ATP7B: variants seen among roughly 807,000 people sequenced by gnomAD.
ATP7B encodes copper-transporting ATPase 2.
Under a neutral mutation model 118.9 loss-of-function variants are expected in ATP7B, and 113 were observed. The observed-to-expected ratio is 0.95, with a 90% confidence interval of 0.82 to 1.11. The LOEUF (loss-of-function observed/expected upper bound fraction) is 1.11, where lower values mean the gene tolerates loss of function less well. Among genes scored for constraint, ATP7B ranks in the 50% most tolerant of loss-of-function variants. ATP7B has a pLI of 0.00. For synonymous variants in ATP7B, 777 were observed against 727.4 expected (o/e 1.07, Z -1.10); for missense variants, 1,867 against 1,871.4 (o/e 1.00, Z 0.04).
chr13:51,965,446 G>A (rs1951499464), intron 4 of ATP7B, among the ~76,000 whole-genome samples: 1 of 152,220 alleles, frequency 6.6e-6, no homozygotes, highest in South Asian at 2.1e-4. Context: ...AATCCTGAGT[G>A]TTGCTGGCAT....
chr13:51,946,680 T>C, intron 12 of ATP7B: 1 of 652,434 alleles, frequency 1.5e-6, no homozygotes, highest in Non-Finnish European at 2.7e-6. Context: ...AACTTCATCC[T>C]ACAGGTTTCC....
chr13:51,964,632 A>G, intron 5 of ATP7B: 1 of 485,212 alleles, frequency 2.1e-6, no homozygotes, highest in South Asian at 2.2e-5. Context: ...CTAAAATTAA[A>G]ACAATAATAA....
chr13:51,987,506 C>T (rs969699930), intron 1 of ATP7B, among the ~76,000 whole-genome samples: 8 of 152,316 alleles, frequency 5.3e-5, no homozygotes, highest in African/African-American at 1.9e-4. Flanking sequence ...TTTATAGATT[C>T]AATGCTATCC....
Position 51,957,750 on chromosome 13 carries a change from C to T in ATP7B, c.2356-143G>A, listed in dbSNP as rs989129386. 2.2e-5 allele frequency: 16 copies of T among 742,776 alleles called. No homozygotes were observed. In the East Asian group the frequency reaches 2.2e-4, roughly 10 times the overall value. The allele number at this position is 742,776 out of a possible 1,614,324, so 46.0% of individuals were successfully genotyped here. A position where few individuals can be genotyped will look rare whatever the true frequency, so the allele number is the denominator to read the frequency against. On this transcript the variant is annotated intron_variant, in intron 8 of 20. Coordinates refer to ENST00000242839, the MANE Select transcript of ATP7B (RefSeq NM_000053.4). ...CACGATAAAAGGCTCTGCAGGTGGG[C>T]GTTACTTGCTATCCACCACACATGG...
chr13:51,942,475 T>C lies in ATP7B; in HGVS notation c.3323A>G (p.Asn1108Ser). The change falls in exon 15 of 21, where the codon AAC becomes AGC. Residue 1108 changes from asparagine (N) to serine (S), a missense_variant. Transcript: ENST00000242839. ...ACTGTGGGCCAGGATGCCTTCCACG[T>C]TGCTGACTTTGCACCCAATTCCACA... ...PGCGIGCKVS[N>S]VEGILAHSER... 1 of 1,614,226 alleles carries C rather than the reference T, an allele frequency of 6.2e-7. No homozygotes were observed.
intron 1 of ATP7B, among the ~76,000 whole-genome samples, chr13:52,002,927 CA>C (rs1953584115): frequency 6.6e-6 from 1 of 152,188 alleles, no homozygotes; most frequent in South Asian, 2.1e-4. Context: ...GTCAGTAAGT[CA>C]TGGTCTTTCT....
chr13:51,947,126 TG>T (rs1420640061), intron 12 of ATP7B, among the ~76,000 whole-genome samples: 2 of 152,182 alleles, frequency 1.3e-5, no homozygotes, highest in African/African-American at 4.8e-5. Flanking sequence ...AGGCAACTAT[TG>T]GAATGATGAT....
chr13:51,951,751 G>A (rs1958022266), intron 9 of ATP7B, among the ~76,000 whole-genome samples: 1 of 152,156 alleles, frequency 6.6e-6, no homozygotes, highest in Non-Finnish European at 1.5e-5. Flanking sequence ...TGCACAAGTA[G>A]TTCCACAGGG....
chr13:52,008,065 G>A (rs1002175325), intron 1 of ATP7B, among the ~76,000 whole-genome samples: 1 of 151,952 alleles, frequency 6.6e-6, no homozygotes, highest in Non-Finnish European at 1.5e-5. Context: ...AAAAGGCCAG[G>A]CACAGTGGCC....
rs975083363 is a variant in ATP7B at position 52,011,424 on chromosome 13, C to A, written c.-87G>T. On this transcript the variant is annotated 5_prime_UTR_variant, in exon 1 of 21. Coordinates refer to ENST00000242839, the MANE Select transcript of ATP7B (RefSeq NM_000053.4). ...GTGGAGGAGAGCGGGGTGTTAAAGT[C>A]CCGGGAGAGGAGGCGCAGAGTGTGA... 2.5e-5 allele frequency: 40 copies of A among 1,577,036 alleles called. No individual in the cohort carries two copies. The highest frequency in any genetic ancestry group is 3.4e-5 in the Admixed American group (2 of 59,222).
Position 51,967,288 on chromosome 13 carries a change from A to G in ATP7B, c.1707+1156T>C. ...TCTTTATCACAAACATTTTACATGC[A>G]GTTATTTCAAAGTGTGTTGGATTAA... On this transcript the variant is annotated intron_variant, in intron 4 of 20. Transcript: ENST00000242839. 4.2e-6 allele frequency: 3 copies of G among 715,478 alleles called. No individual in the cohort carries two copies. In the South Asian group the frequency reaches 5.4e-5, roughly 13 times the overall value. The allele number at this position is 715,478 out of a possible 1,614,324, so 44.3% of individuals were successfully genotyped here. A position where few individuals can be genotyped will look rare whatever the true frequency, so the allele number is the denominator to read the frequency against.
rs1956843515 is a variant in ATP7B, at chr13:51,934,479, T to A, written c.*277A>T. 5.8e-6 allele frequency: 3 copies of A among 517,154 alleles called. No homozygotes were observed. In the Admixed American group the frequency reaches 9.6e-5, roughly 16 times the overall value. 32.0% of individuals were successfully genotyped at this position (517,154 alleles called of 1,614,324 possible). ...AGGTCTGTGAGGAGGGTGACTCGCC[T>A]CTCACCTTCTACAGTCCAGCCAAGG... On this transcript the variant is annotated 3_prime_UTR_variant, in exon 21 of 21. Coordinates refer to ENST00000242839, the MANE Select transcript of ATP7B (RefSeq NM_000053.4).
intron 1 of ATP7B, among the ~76,000 whole-genome samples, chr13:52,007,974 C>G (rs1317969451): frequency 6.6e-6 from 1 of 151,988 alleles, no homozygotes; most frequent in African/African-American, 2.4e-5. Flanking sequence ...GATGTGTTCA[C>G]TAACAGGAAG....
intron 2 of ATP7B, 92 bp from the exon 3 acceptor site, chr13:51,970,841 T>G: frequency 7.3e-7 from 1 of 1,372,192 alleles, no homozygotes. Flanking sequence ...TGAGGGTTCA[T>G]TGTCCCGGCT....
At chr13:51,994,349 C>T (rs141625314) in intron 1 of ATP7B, among the ~76,000 whole-genome samples, 1 of 152,286 alleles carries the variant, frequency 6.6e-6, no homozygotes, top group East Asian at 1.9e-4. Context: ...TAAAACCACT[C>T]GAACCTCTGT....
intron 19 of ATP7B, among the ~76,000 whole-genome samples, chr13:51,936,445 G>A (rs1455400706): frequency 6.8e-6 from 1 of 147,738 alleles, no homozygotes; most frequent in East Asian, 2.1e-4. Flanking sequence ...GGGGCAGGGG[G>A]CAGGGAGCAG....
intron 5 of ATP7B, 53 bp downstream of exon 5, chr13:51,964,819 T>A: frequency 1.9e-6 from 3 of 1,586,280 alleles, no homozygotes; most frequent in Non-Finnish European, 2.6e-6. Context: ...CTTCACTGAT[T>A]ATATATTACT....
rs1282624946 is a variant in ATP7B, at chr13:51,970,579, C to A, written c.1456G>T (p.Ala486Ser). ...ATCTGTAAGAAGCACTTCTGCGGTG[C>A]CACTGCTCTGGTTGATTGTGGGGAC... ...AKSPQSTRAV[A>S]PQKCFLQIKG... Residue 486 changes from alanine (A) to serine (S), a missense_variant, in exon 3 of 21, where the codon GCA becomes TCA. Coordinates refer to ENST00000242839, the MANE Select transcript of ATP7B (RefSeq NM_000053.4). 1 of 1,614,136 alleles carries A rather than the reference C, an allele frequency of 6.2e-7. No individual in the cohort carries two copies. The highest frequency in any genetic ancestry group is 1.1e-5 in the South Asian group (1 of 91,076).
intron 1 of ATP7B, among the ~76,000 whole-genome samples, chr13:51,992,727 C>T (rs1441167530): frequency 6.6e-6 from 1 of 151,918 alleles, no homozygotes; most frequent in Admixed American, 6.6e-5. Flanking sequence ...CCTGTAATCC[C>T]AGCACTTTGG....
Sources: allele counts gnomAD v4.1 joint callset (sites outside exome capture counted in the v4.1 genomes callset), GRCh38; gene constraint gnomAD v4.1.1; transcripts MANE v1.5; gene names NCBI Gene and HGNC (gene_info 2026-07-23, HGNC 2026-07-21).